The following STON1 variants were observed in gnomAD, a reference collection of about 807,000 sequenced individuals.
The protein encoded by STON1 is stonin-1.
In STON1, 79 loss-of-function variants were observed where a neutral mutation model predicts 60.9. The observed-to-expected ratio is 1.30, with a 90% CI of 1.08 to 1.56. The LOEUF is 1.56. Ranked by LOEUF, STON1 falls within the 40% of genes most tolerant of loss-of-function variation. STON1 has a pLI of 0.00. For missense variants in STON1, 1,166 were observed against 858.9 expected (o/e 1.36, Z -4.47); for synonymous variants, 363 against 306.9 (o/e 1.18, Z -1.91).
chr2:48,538,787 TTTA>T (rs1370163673), intron 1 of STON1, among the ~76,000 whole-genome samples: 4 of 147,376 alleles, frequency 2.7e-5, no homozygotes, highest in African/African-American at 7.7e-5. Flanking sequence ...TTTTTTTTTT[TTTA>T]TATTTTCTGT....
rs572726431 is a variant in STON1, at chr2:48,564,737, T to C, written c.-47-15850T>C. On this transcript the variant is annotated intron_variant, in intron 1 of 3. Transcript: ENST00000404752. ...TTCTTCTTTCTTTCTTTCTTTCTTT[T>C]TTTTTTTTTTTTTAAGATGGAGTCT... 8.2e-4 allele frequency among the ~76,000 whole-genome samples: 113 copies of C among 138,334 alleles called. No homozygotes were observed. The East Asian group carries it at 8.4e-3, about 10-fold the overall frequency. 90.8% of individuals were successfully genotyped at this position (138,334 alleles called of 152,430 possible). A position where few individuals can be genotyped will look rare whatever the true frequency, so the allele number is the denominator to read the frequency against.
intron 2 of STON1, among the ~76,000 whole-genome samples, chr2:48,584,504 G>C (rs924380139): frequency 8.5e-5 from 13 of 152,124 alleles, no homozygotes; most frequent in Admixed American, 7.9e-4. Flanking sequence ...CTGACCTCAA[G>C]TGATCCACCC....
At chr2:48,539,160 C>G (rs767282265) in intron 1 of STON1, among the ~76,000 whole-genome samples, 1 of 152,134 alleles carries the variant, frequency 6.6e-6, no homozygotes, top group Admixed American at 6.6e-5. Flanking sequence ...TCAGGTGATC[C>G]TCTTGCCTCA....
intron 1 of STON1, among the ~76,000 whole-genome samples, chr2:48,572,101 T>C (rs988847470): frequency 2.6e-5 from 4 of 152,130 alleles, no homozygotes; most frequent in Non-Finnish European, 5.9e-5. Context: ...AGGCAGAGGT[T>C]GCAGTGAGCC....
chr2:48,578,416 A>G (rs1673648922), intron 1 of STON1, among the ~76,000 whole-genome samples: 1 of 151,768 alleles, frequency 6.6e-6, no homozygotes, highest in Non-Finnish European at 1.5e-5. Flanking sequence ...AAAACATGAG[A>G]TCCTTTTTTT....
rs756038188 is a variant in STON1, at chr2:48,595,941, G to A, written c.*639G>A. On this transcript the variant is annotated 3_prime_UTR_variant, in exon 4 of 4. Coordinates refer to ENST00000404752, the MANE Select transcript of STON1 (RefSeq NM_006873.4). ...ATTTTCAAAATGTGTTTGTTTTCTG[G>A]CGCGTGCTGCAAAGAAGCTATTTCT... The A allele has an allele frequency of 6.6e-6, 1 of 152,022 alleles. No homozygotes were observed. Among genetic ancestry groups the A allele is most frequent in the Non-Finnish European group, 1.5e-5 (1 of 68,012 alleles). 9.4% of individuals were successfully genotyped at this position (152,022 alleles called of 1,614,324 possible). A position where few individuals can be genotyped will look rare whatever the true frequency, so the allele number is the denominator to read the frequency against.
intron 2 of STON1, among the ~76,000 whole-genome samples, chr2:48,585,258 C>G (rs13030826): frequency 6.7e-6 from 1 of 148,860 alleles, no homozygotes; most frequent in Non-Finnish European, 1.5e-5. Context: ...CTTTTTTTTT[C>G]TTTTTTTGGG....
rs777106792 is a variant in STON1 at position 48,580,759 on chromosome 2, G to C, written c.126G>C (p.Leu42=). Residue 42 remains leucine, a synonymous_variant, in exon 2 of 4, where the codon CTG becomes CTC. Coordinates refer to ENST00000404752, the MANE Select transcript of STON1 (RefSeq NM_006873.4). The part of the protein sequence containing the change: ...QGVCRPNGLK[L]NLPGLREFPS... ...TCTGTAGACCAAATGGACTGAAGCTGAACCTTCCTGGCCTCAGGGAATTTC... is the reference window on the plus strand; with the variant it reads ...TCTGTAGACCAAATGGACTGAAGCTCAACCTTCCTGGCCTCAGGGAATTTC... The C allele has an allele frequency of 1.9e-6, 3 of 1,556,684 alleles. No homozygotes were observed. Among genetic ancestry groups the C allele is most frequent in the South Asian group, 2.5e-5 (2 of 80,960 alleles).
chr2:48,574,426 T>C (rs1673366886), intron 1 of STON1, among the ~76,000 whole-genome samples: 1 of 151,780 alleles, frequency 6.6e-6, no homozygotes, highest in Admixed American at 6.6e-5. Flanking sequence ...ATAGTTGTGA[T>C]GGTTTCACAA....
intron 1 of STON1, among the ~76,000 whole-genome samples, chr2:48,546,924 T>C (rs1157661343): frequency 6.6e-6 from 1 of 152,162 alleles, no homozygotes; most frequent in African/African-American, 2.4e-5. Context: ...CACCAAGACA[T>C]AGATCCCAAT....
intron 1 of STON1, among the ~76,000 whole-genome samples, chr2:48,565,669 C>A (rs1007849818): frequency 2.0e-5 from 3 of 152,148 alleles, no homozygotes; most frequent in Non-Finnish European, 2.9e-5. Flanking sequence ...AAACCAAGGT[C>A]CAGAGTTGGG....
intron 1 of STON1, among the ~76,000 whole-genome samples, chr2:48,568,538 C>T (rs1257101516): frequency 6.6e-6 from 1 of 151,970 alleles, no homozygotes; most frequent in Non-Finnish European, 1.5e-5. Flanking sequence ...CAGGGAGTTA[C>T]ACAAAATTTG....
chr2:48,548,929 C>T (rs966313059), intron 1 of STON1, among the ~76,000 whole-genome samples: 6 of 152,148 alleles, frequency 3.9e-5, no homozygotes, highest in African/African-American at 1.4e-4. Flanking sequence ...GGAATGTGGG[C>T]GGCTTCTAAG....
intron 1 of STON1, among the ~76,000 whole-genome samples, chr2:48,555,257 G>A (rs1672276544): frequency 9.2e-6 from 1 of 108,280 alleles, no homozygotes; most frequent in Admixed American, 9.0e-5. Flanking sequence ...CTCCCAGACG[G>A]GGAGGTGGCT....
intron 2 of STON1, among the ~76,000 whole-genome samples, chr2:48,587,510 C>T (rs1468124648): frequency 3.3e-5 from 5 of 152,136 alleles, no homozygotes; most frequent in Non-Finnish European, 5.9e-5. Flanking sequence ...CCAGGCTGGT[C>T]TCAAACTCCT....
chr2:48,551,141 C>G (rs562168619), intron 1 of STON1, among the ~76,000 whole-genome samples: 60 of 152,210 alleles, frequency 3.9e-4, no homozygotes, highest in African/African-American at 1.4e-3. Context: ...TCTTCTTAAA[C>G]CTGGAATTAA....
intron 1 of STON1, among the ~76,000 whole-genome samples, chr2:48,580,306 T>G (rs1673800703): frequency 6.6e-6 from 1 of 152,216 alleles, no homozygotes; most frequent in African/African-American, 2.4e-5. Context: ...GTTTTTGACT[T>G]AAAGTTTATT....
In STON1 at chr2:48,561,100, G is replaced by A. The variant is rs1003333422; in HGVS notation, c.-47-19487G>A. ...TTGTCTTGCATTCAGCTCTCACAGC[G>A]CTGAAAGACCTCCACTCTCTACCTC... On this transcript the variant is annotated intron_variant, in intron 1 of 3. Transcript: ENST00000404752. Among the ~76,000 whole-genome samples, 6 of 152,142 alleles carry A rather than the reference G, an allele frequency of 3.9e-5. 1 individual carries two copies. The highest frequency in any genetic ancestry group is 4.1e-4 in the South Asian group (2 of 4,824).
chr2:48,562,300 G>T (rs1016914599), intron 1 of STON1, among the ~76,000 whole-genome samples: 1 of 152,166 alleles, frequency 6.6e-6, no homozygotes, highest in African/African-American at 2.4e-5. Flanking sequence ...TTGATATTCT[G>T]TTGTTTGAGA....
Sources: gnomAD v4.1 joint callset for allele counts (sites outside exome capture counted in the v4.1 genomes callset) on GRCh38, gnomAD v4.1.1 for gene constraint, MANE v1.5 for transcripts, NCBI Gene and HGNC (gene_info 2026-07-23, HGNC 2026-07-21) for gene names.